The following MGA variants were observed in gnomAD, a reference collection of about 807,000 sequenced individuals.
MGA encodes the protein MAX dimerization protein MGA.
Under a neutral mutation model 261.1 loss-of-function variants are expected in MGA, and 40 were observed. The observed-to-expected ratio is 0.15, with a 90% CI of 0.12 to 0.20. MGA has a LOEUF of 0.20. Ranked by LOEUF, MGA falls within the 10% of genes least tolerant of loss-of-function variation. The pLI is 1.00. For missense variants in MGA, 3,397 were observed against 3,630.5 expected, an observed-to-expected ratio of 0.94 and a Z score of 1.65; for synonymous variants, 1,302 against 1,290.6, an observed-to-expected ratio of 1.01 and a Z score of -0.19.
chr15:41,622,496 CTATCTT>C (rs2056328743), intron 1 of MGA, among the ~76,000 whole-genome samples: 1 of 152,182 alleles, frequency 6.6e-6, no homozygotes, highest in East Asian at 1.9e-4. Flanking sequence ...GCATGTCTGT[CTATCTT>C]TATCATTCCC....
At chr15:41,762,612 G>A (rs960061026) in intron 22 of MGA, among the ~76,000 whole-genome samples, 2 of 151,460 alleles carry the variant, frequency 1.3e-5, no homozygotes, top group African/African-American at 4.9e-5. Flanking sequence ...GGACTACAGC[G>A]AGCACCACCA....
intron 1 of MGA, among the ~76,000 whole-genome samples, chr15:41,668,198 TA>T (rs1024354734): frequency 1.6e-4 from 24 of 152,178 alleles, no homozygotes; most frequent in African/African-American, 5.5e-4. Flanking sequence ...GATTTAGGAA[TA>T]AAAAAATTAA....
chr15:41,723,208 A>C (rs1284666115), intron 9 of MGA, among the ~76,000 whole-genome samples: 1 of 151,892 alleles, frequency 6.6e-6, no homozygotes, highest in Admixed American at 6.6e-5. Context: ...AGAGTAGGAG[A>C]ATCTCTAGTG....
intron 2 of MGA, among the ~76,000 whole-genome samples, chr15:41,670,172 G>C (rs986767771): frequency 6.6e-6 from 1 of 152,052 alleles, no homozygotes; most frequent in African/African-American, 2.4e-5. Flanking sequence ...TAGGCAAATT[G>C]GATAACTTAT....
intron 1 of MGA, among the ~76,000 whole-genome samples, chr15:41,666,929 C>T (rs1372749109): frequency 6.6e-6 from 1 of 152,312 alleles, no homozygotes; most frequent in East Asian, 1.9e-4. Context: ...AATTCTTTGT[C>T]ATAGGATGAT....
intron 19 of MGA, among the ~76,000 whole-genome samples, chr15:41,759,881 A>T (rs144891311): frequency 1.3e-5 from 2 of 152,172 alleles, no homozygotes; most frequent in African/African-American, 4.8e-5. Flanking sequence ...AGCAGATAGG[A>T]ATGGTTGGAG....
At chr15:41,750,677 G>A (rs1298060337) in intron 17 of MGA, 62 bp downstream of exon 17, 33 of 1,449,444 alleles carry the variant, frequency 2.3e-5, no homozygotes, top group Non-Finnish European at 3.0e-5. Flanking sequence ...ATTAAAGACA[G>A]AAGCTTTTTC....
chr15:41,742,388 T>C (rs2062163967), intron 14 of MGA, among the ~76,000 whole-genome samples, 158 bp from the exon 15 acceptor site: 1 of 151,764 alleles, frequency 6.6e-6, no homozygotes, highest in South Asian at 2.1e-4. Flanking sequence ...AAACTCCATC[T>C]TAAAAAAGAA....
rs1442784631 is a variant in MGA at position 41,749,569 on chromosome 15, C to A, written c.5962C>A (p.Gln1988Lys). Residue 1988 changes from glutamine (Q) to lysine (K), a missense_variant, in exon 17 of 24, where the codon CAA becomes AAA. By Grantham distance (53) the Gln-to-Lys change is moderately conservative (BLOSUM62 1). This residue lies in a region of MGA where 1,410 missense variants were observed against 1,386.4 expected (regional missense o/e 1.02). Coordinates refer to ENST00000219905, the MANE Select transcript of MGA (RefSeq NM_001164273.2). Reference sequence around the variant, plus strand: ...TGAAACAAACTCAATAAAAAGAGAGCAAGAAACGAAGAAGGTTCTACAGTC... The same window carrying A: ...TGAAACAAACTCAATAAAAAGAGAGAAAGAAACGAAGAAGGTTCTACAGTC... 2 of 1,613,828 alleles carry A rather than the reference C, an allele frequency of 1.2e-6. No individual in the cohort carries two copies. Among genetic ancestry groups the A allele is most frequent in the South Asian group, 2.2e-5 (2 of 91,070 alleles).
At chr15:41,706,020 C>T (rs761037006) in intron 5 of MGA, among the ~76,000 whole-genome samples, 6 of 151,890 alleles carry the variant, frequency 4.0e-5, no homozygotes, top group East Asian at 1.9e-4. Flanking sequence ...GGGCGGATTA[C>T]GAGGTCAGGA....
intron 1 of MGA, among the ~76,000 whole-genome samples, chr15:41,660,922 G>C (rs2057362867): frequency 6.6e-6 from 1 of 152,228 alleles, no homozygotes; most frequent in Non-Finnish European, 1.5e-5. Context: ...TCTAGGTCGA[G>C]AGCCACGCTT....
chr15:41,638,032 CTTTTTTTTTTTTTTTT>C (rs56390631), intron 1 of MGA, among the ~76,000 whole-genome samples: 5 of 42,968 alleles, frequency 1.2e-4, no homozygotes, highest in African/African-American at 3.9e-4. Flanking sequence ...CTGTGCCCAG[CTTTTTTTTTTTTTTTT>C]TTTTTTTTTT....
chr15:41,746,312 G>T (rs2062463248), intron 15 of MGA, among the ~76,000 whole-genome samples: 1 of 152,108 alleles, frequency 6.6e-6, no homozygotes, highest in Admixed American at 6.6e-5. Context: ...AGGCTGAGGA[G>T]GATGGATCAC....
At chr15:41,713,022 G>T in intron 8 of MGA, 129 bp from the exon 9 acceptor site, 1 of 1,339,326 alleles carries the variant, frequency 7.5e-7, no homozygotes. Context: ...TCTGTCCTTT[G>T]AATCTGCATT....
chr15:41,739,615 G>T (rs577576490), intron 13 of MGA, among the ~76,000 whole-genome samples: 10 of 152,168 alleles, frequency 6.6e-5, no homozygotes, highest in Admixed American at 2.0e-4. Context: ...TAGTTGTTTA[G>T]ATTTGATGAT....
chr15:41,683,586 T>C (rs2058787526), intron 2 of MGA, among the ~76,000 whole-genome samples: 1 of 150,668 alleles, frequency 6.6e-6, no homozygotes, highest in African/African-American at 2.4e-5. Context: ...ATTTTTTTTT[T>C]TTTTTTTTTG....
chr15:41,656,854 G>A (rs1029130233), upstream of MGA, among the ~76,000 whole-genome samples: 13 of 152,280 alleles, frequency 8.5e-5, no homozygotes, highest in East Asian at 2.5e-3. Flanking sequence ...ACAGCTCACT[G>A]TAGCCTCGAC....
At chr15:41,728,811 C>G (rs1014265245) in intron 10 of MGA, among the ~76,000 whole-genome samples, 1 of 152,108 alleles carries the variant, frequency 6.6e-6, no homozygotes, top group Non-Finnish European at 1.5e-5. Flanking sequence ...TTAGCTGAAT[C>G]TAATATTTAA....
At chr15:41,671,984 A>G (rs1484132099) in intron 2 of MGA, among the ~76,000 whole-genome samples, 12 of 152,230 alleles carry the variant, frequency 7.9e-5, no homozygotes, top group Admixed American at 7.2e-4. Context: ...CAGCTTAATC[A>G]TCTTGATTAT....
Sources: gnomAD v4.1 joint callset for allele counts (sites outside exome capture counted in the v4.1 genomes callset) on GRCh38, gnomAD v4.1.1 for gene constraint, gnomAD v4.1.1 regional missense constraint, MANE v1.5 for transcripts, NCBI Gene and HGNC (gene_info 2026-07-23, HGNC 2026-07-21) for gene names.